LYPD6: variants seen among roughly 807,000 people sequenced by gnomAD.
The protein encoded by LYPD6 is LY6/PLAUR domain containing 6.
LYPD6 carries 15 observed loss-of-function variants against 22.7 expected under a neutral mutation model. That is an observed-to-expected ratio of 0.66 (90% CI 0.44 to 1.02). The LOEUF (loss-of-function observed/expected upper bound fraction) is 1.02. LYPD6 is among the 50% of genes least tolerant of loss of function. The pLI is 0.00. For synonymous variants in LYPD6, 72 were observed against 77.5 expected, an observed-to-expected ratio of 0.93 and a Z score of 0.37; for missense variants, 189 against 208.4, an observed-to-expected ratio of 0.91 and a Z score of 0.57.
Position 149,405,446 on chromosome 2 carries a change from T to C in LYPD6, c.-71-32192T>C, listed in dbSNP as rs771787276. Among the ~76,000 whole-genome samples the C allele has an allele frequency of 1.2e-3, 182 of 152,348 alleles. 2 individuals are homozygous for C. The highest frequency in any genetic ancestry group is 6.8e-3 in the Middle Eastern group (2 of 294). ...TGGTCTATTCAGGGATTCAACTTCT[T>C]CCTGGTTTAGTCTTGGGAGGGTGTA... On this transcript the variant is annotated intron_variant, in intron 1 of 4. Transcript: ENST00000334166.
chr2:149,404,841 G>T (rs1389632597), intron 1 of LYPD6, among the ~76,000 whole-genome samples: 6 of 152,114 alleles, frequency 3.9e-5, no homozygotes, highest in African/African-American at 1.4e-4. Flanking sequence ...TCCAGTTTTT[G>T]CCCATTCAGT....
In LYPD6 at chr2:149,337,540, G is replaced by A. The variant is rs150319157; in HGVS notation, c.-72+6818G>A. ...GTTTCTTTCCTTGGCTCTGGATTTTGTCTCTCTTTCAGCCTTTGGCTTGGG... is the reference window on the plus strand; with the variant it reads ...GTTTCTTTCCTTGGCTCTGGATTTTATCTCTCTTTCAGCCTTTGGCTTGGG... On this transcript the variant is annotated intron_variant, in intron 1 of 4. Coordinates refer to ENST00000334166, the MANE Select transcript of LYPD6 (RefSeq NM_194317.5). Among the ~76,000 whole-genome samples the A allele has an allele frequency of 4.1e-4, 62 of 152,060 alleles. 1 individual carries two copies. In the East Asian group the frequency reaches 9.1e-3, roughly 22 times the overall value.
intron 1 of LYPD6, among the ~76,000 whole-genome samples, chr2:149,388,147 T>C (rs1682228377): frequency 6.6e-6 from 1 of 151,228 alleles, no homozygotes; most frequent in African/African-American, 2.4e-5. Context: ...GATAATTAAA[T>C]ATGTGTAACT....
rs1339373126 is a variant in LYPD6 at position 149,406,441 on chromosome 2, G to A, written c.-71-31197G>A. ...CCTGTATTGGGTGCATATATATTTAGGATAGTTAGCTCTTCTTGTTGAATT... is the reference window on the plus strand; with the variant it reads ...CCTGTATTGGGTGCATATATATTTAAGATAGTTAGCTCTTCTTGTTGAATT... On this transcript the variant is annotated intron_variant, in intron 1 of 4. Transcript: ENST00000334166. 4.6e-5 allele frequency among the ~76,000 whole-genome samples: 7 copies of A among 151,568 alleles called. No homozygotes were observed. In the South Asian group the frequency reaches 1.3e-3, roughly 27 times the overall value.
rs932052242 is a variant in LYPD6 at position 149,472,970 on chromosome 2, C to G, written c.*2120C>G. ...TGCAGGATGCTATTTGCATGTGTCC[C>G]CAGGTGATGTTTTTTCTTTGGGGAG... On this transcript the variant is annotated 3_prime_UTR_variant, in exon 5 of 5. Coordinates refer to ENST00000334166, the MANE Select transcript of LYPD6 (RefSeq NM_194317.5). The G allele has an allele frequency of 6.6e-6, 1 of 152,518 alleles. No homozygotes were observed. Among genetic ancestry groups the G allele is most frequent in the Non-Finnish European group, 1.5e-5 (1 of 68,018 alleles). 9.4% of individuals were successfully genotyped at this position (152,518 alleles called of 1,614,324 possible).
intron 1 of LYPD6, among the ~76,000 whole-genome samples, chr2:149,350,576 C>T (rs1681339677): frequency 6.6e-6 from 1 of 152,076 alleles, no homozygotes; most frequent in South Asian, 2.1e-4. Context: ...TAGTGCTGTC[C>T]AGTAGAATTT....
At chr2:149,474,433 C>T (rs1276280713), downstream of LYPD6, among the ~76,000 whole-genome samples, 1 of 152,150 alleles carries the variant, frequency 6.6e-6, no homozygotes, top group Non-Finnish European at 1.5e-5. Context: ...GCCTCAAACT[C>T]TGAGGCTCAA....
At chr2:149,344,177 C>T (rs1055451081) in intron 1 of LYPD6, among the ~76,000 whole-genome samples, 2 of 152,166 alleles carry the variant, frequency 1.3e-5, no homozygotes, top group African/African-American at 4.8e-5. Flanking sequence ...TCTTTCCTAG[C>T]CAGCCCCCTT....
chr2:149,458,800 A>G (rs1011710876), intron 3 of LYPD6, among the ~76,000 whole-genome samples: 2 of 152,240 alleles, frequency 1.3e-5, no homozygotes, highest in African/African-American at 4.8e-5. Context: ...AAAAATCTCA[A>G]TAGATGGGCT....
chr2:149,480,516 C>T, the LYPD6 span, among the ~76,000 whole-genome samples: 2 of 70,626 alleles, frequency 2.8e-5, no homozygotes, highest in South Asian at 5.4e-4. Flanking sequence ...GTTGCCCACT[C>T]TCATGGGACC....
At chr2:149,403,760 G>T (rs1480898358) in intron 1 of LYPD6, among the ~76,000 whole-genome samples, 4 of 151,828 alleles carry the variant, frequency 2.6e-5, no homozygotes, top group African/African-American at 9.7e-5. Context: ...GTCAATTTTG[G>T]CTTTTGTTGC....
intron 1 of LYPD6, among the ~76,000 whole-genome samples, chr2:149,344,252 G>A (rs968532155): frequency 6.6e-6 from 1 of 152,120 alleles, no homozygotes; most frequent in African/African-American, 2.4e-5. Flanking sequence ...TACTCTGTTA[G>A]AAAATCTCTG....
At chr2:149,434,995 T>G (rs1683398188) in intron 1 of LYPD6, among the ~76,000 whole-genome samples, 1 of 152,208 alleles carries the variant, frequency 6.6e-6, no homozygotes, top group South Asian at 2.1e-4. Flanking sequence ...GCCTAACCCC[T>G]GGTATCTTGG....
intron 1 of LYPD6, among the ~76,000 whole-genome samples, chr2:149,431,017 A>AT (rs559384136): frequency 4.0e-4 from 59 of 149,038 alleles, no homozygotes; most frequent in East Asian, 5.9e-4. Flanking sequence ...TCTTGAACTA[A>AT]TTTTTTTTTT....
chr2:149,361,407 TCTC>T (rs1017880761), intron 1 of LYPD6, among the ~76,000 whole-genome samples: 4 of 152,344 alleles, frequency 2.6e-5, no homozygotes, highest in African/African-American at 9.6e-5. Context: ...TTTTAGAGCT[TCTC>T]CTGTATTTTC....
intron 1 of LYPD6, among the ~76,000 whole-genome samples, chr2:149,370,358 T>C (rs1225424834): frequency 6.6e-6 from 1 of 152,192 alleles, no homozygotes; most frequent in East Asian, 1.9e-4. Flanking sequence ...AATCCATATG[T>C]TGGAACTTAA....
intron 2 of LYPD6, among the ~76,000 whole-genome samples, chr2:149,441,348 A>G (rs1033488037): frequency 3.3e-5 from 5 of 152,172 alleles, no homozygotes; most frequent in South Asian, 4.1e-4. Context: ...AAGGAGAAAT[A>G]TGGTGATGCT....
At chr2:149,391,758 C>T (rs1243855566) in intron 1 of LYPD6, among the ~76,000 whole-genome samples, 1 of 152,116 alleles carries the variant, frequency 6.6e-6, no homozygotes, top group Non-Finnish European at 1.5e-5. Flanking sequence ...AGAGGTGTTG[C>T]TGGCAGAAGC....
intron 1 of LYPD6, among the ~76,000 whole-genome samples, chr2:149,427,739 A>G (rs1683215790): frequency 1.3e-5 from 2 of 152,258 alleles, no homozygotes; most frequent in Admixed American, 6.5e-5. Flanking sequence ...AGTAGGCTAT[A>G]CCATCTGGGC....
Sources: allele counts gnomAD v4.1 joint callset (sites outside exome capture counted in the v4.1 genomes callset), GRCh38; gene constraint gnomAD v4.1.1; transcripts MANE v1.5; gene names NCBI Gene and HGNC (gene_info 2026-07-23, HGNC 2026-07-21).